Variants in SH3GL2 observed in about 807,000 individuals in gnomAD.
SH3GL2 encodes endophilin-A1.
Under a neutral mutation model 46.0 loss-of-function variants are expected in SH3GL2, and 24 were observed. The ratio of observed to expected loss-of-function variants is 0.52; its 90% CI spans 0.38 to 0.73. The LOEUF (loss-of-function observed/expected upper bound fraction) is 0.73. Ranked by LOEUF, SH3GL2 falls within the 30% of genes least tolerant of loss-of-function variation. The pLI, the probability that SH3GL2 is intolerant of heterozygous loss-of-function variation, is 0.00. For synonymous variants in SH3GL2, 196 were observed against 147.1 expected, an observed-to-expected ratio of 1.33 and a Z score of -2.40; for missense variants, 413 against 424.2, an observed-to-expected ratio of 0.97 and a Z score of 0.23.
intron 2 of SH3GL2, among the ~76,000 whole-genome samples, chr9:17,759,265 G>A (rs1298406185): frequency 2.0e-5 from 3 of 152,180 alleles, no homozygotes; most frequent in Non-Finnish European, 2.9e-5. Flanking sequence ...GGATGGAATA[G>A]TCTTGTGGAT....
chr9:17,768,360 G>C (rs1038081992), intron 3 of SH3GL2, among the ~76,000 whole-genome samples: 10 of 123,172 alleles, frequency 8.1e-5, no homozygotes, highest in Non-Finnish European at 3.2e-5. Context: ...GACAGAGCGG[G>C]ACTCTGTCTC....
At chr9:17,706,180 G>A (rs1318940872) in intron 1 of SH3GL2, among the ~76,000 whole-genome samples, 1 of 151,848 alleles carries the variant, frequency 6.6e-6, no homozygotes, top group Non-Finnish European at 1.5e-5. Context: ...AGTGGCAAAG[G>A]GACATGCCCA....
chr9:17,608,758 A>T (rs1818806256), intron 1 of SH3GL2, among the ~76,000 whole-genome samples: 1 of 152,260 alleles, frequency 6.6e-6, no homozygotes, highest in African/African-American at 2.4e-5. Flanking sequence ...CAAGGAAGTT[A>T]TGAACCGGAT....
chr9:17,580,998 C>T (rs527739059), intron 1 of SH3GL2, among the ~76,000 whole-genome samples: 194 of 152,292 alleles, frequency 1.3e-3, no homozygotes, highest in Non-Finnish European at 2.2e-3. Context: ...ACTTCTGAAC[C>T]TGTCCATGCT....
intron 1 of SH3GL2, among the ~76,000 whole-genome samples, chr9:17,681,239 A>G (rs1029181378): frequency 6.6e-6 from 1 of 152,178 alleles, no homozygotes; most frequent in African/African-American, 2.4e-5. Flanking sequence ...GTAAGTGGCA[A>G]AACAACAATA....
chr9:17,776,966 C>T (rs1320283783), intron 3 of SH3GL2, among the ~76,000 whole-genome samples: 1 of 152,164 alleles, frequency 6.6e-6, no homozygotes, highest in Non-Finnish European at 1.5e-5. Flanking sequence ...CTGGATTGAA[C>T]TGCCAAGAAA....
chr9:17,725,280 G>A (rs1302357257), intron 1 of SH3GL2, among the ~76,000 whole-genome samples: 3 of 152,058 alleles, frequency 2.0e-5, no homozygotes, highest in Non-Finnish European at 2.9e-5. Context: ...AAATAAAAGA[G>A]GTGTGCATTC....
At chr9:17,617,654 T>C (rs534607144) in intron 1 of SH3GL2, among the ~76,000 whole-genome samples, 29 of 152,336 alleles carry the variant, frequency 1.9e-4, no homozygotes, top group Admixed American at 1.4e-3. Flanking sequence ...TTGGGAAATG[T>C]TGACCTATGT....
intron 1 of SH3GL2, among the ~76,000 whole-genome samples, chr9:17,735,177 G>A (rs184908002): frequency 3.3e-5 from 5 of 152,078 alleles, no homozygotes; most frequent in Non-Finnish European, 1.5e-5. Flanking sequence ...AACTAAAGGG[G>A]CAGCCTCCTA....
At chr9:17,579,847 G>A (rs1818244651) in intron 1 of SH3GL2, among the ~76,000 whole-genome samples, 1 of 152,174 alleles carries the variant, frequency 6.6e-6, no homozygotes, top group Non-Finnish European at 1.5e-5. Flanking sequence ...TTCCTTTAGG[G>A]ACCCGCATAC....
intron 3 of SH3GL2, among the ~76,000 whole-genome samples, chr9:17,774,738 A>G (rs1027710922): frequency 2.0e-5 from 3 of 152,082 alleles, no homozygotes; most frequent in East Asian, 1.9e-4. Context: ...CGTAAGAGAT[A>G]TTGGTCTGTA....
At chr9:17,787,792 T>C (rs1824003102) in intron 5 of SH3GL2, among the ~76,000 whole-genome samples, 1 of 152,158 alleles carries the variant, frequency 6.6e-6, no homozygotes, top group Non-Finnish European at 1.5e-5. Flanking sequence ...GAGGATAATA[T>C]ACTTTTCCTG....
At chr9:17,590,508 A>G (rs1392628445) in intron 1 of SH3GL2, 2 of 152,076 alleles carry the variant, frequency 1.3e-5, no homozygotes, top group African/African-American at 4.8e-5. Context: ...TTTTCCATTC[A>G]TCTCATCCAT....
chr9:17,636,008 C>G (rs182495793), intron 1 of SH3GL2, among the ~76,000 whole-genome samples: 90 of 152,270 alleles, frequency 5.9e-4, no homozygotes, highest in African/African-American at 2.0e-3. Context: ...TCAAGTACAG[C>G]CACACTGAAG....
chr9:17,786,964 C>T (rs1823976397), intron 4 of SH3GL2, among the ~76,000 whole-genome samples: 1 of 152,166 alleles, frequency 6.6e-6, no homozygotes, highest in Non-Finnish European at 1.5e-5. Context: ...TTCCTTCACC[C>T]TGTCTCCCCC....
chr9:17,709,076 A>T (rs902135231), intron 1 of SH3GL2, among the ~76,000 whole-genome samples: 3 of 152,014 alleles, frequency 2.0e-5, no homozygotes, highest in African/African-American at 7.2e-5. Flanking sequence ...TCCTATCAAG[A>T]CATTAGTTTT....
At chr9:17,648,570 G>T (rs1407318476) in intron 1 of SH3GL2, among the ~76,000 whole-genome samples, 2 of 152,028 alleles carry the variant, frequency 1.3e-5, no homozygotes, top group Non-Finnish European at 2.9e-5. Context: ...AAAAAGGAGG[G>T]TTGCCTTTGA....
intron 3 of SH3GL2, among the ~76,000 whole-genome samples, chr9:17,767,632 T>A (rs1365304141): frequency 6.6e-6 from 1 of 152,236 alleles, no homozygotes; most frequent in Non-Finnish European, 1.5e-5. Context: ...TTGCTCTCAG[T>A]ATGTCTGGTG....
chr9:17,609,001 G>C (rs1170701357), intron 1 of SH3GL2, among the ~76,000 whole-genome samples: 2 of 152,174 alleles, frequency 1.3e-5, no homozygotes, highest in Admixed American at 1.3e-4. Context: ...CTCTTTCACT[G>C]ATCCCAGCAT....
Sources: allele counts gnomAD v4.1 joint callset (sites outside exome capture counted in the v4.1 genomes callset), GRCh38; gene constraint gnomAD v4.1.1; transcripts MANE v1.5; gene names NCBI Gene and HGNC (gene_info 2026-07-23, HGNC 2026-07-21).